CACNA1B: variants seen among roughly 807,000 people sequenced by gnomAD.
The protein encoded by CACNA1B is voltage-dependent N-type calcium channel subunit alpha-1B.
In CACNA1B, 70 loss-of-function variants were observed where a neutral mutation model predicts 247.2. The observed-to-expected ratio is 0.28, with a 90% CI of 0.23 to 0.35. The LOEUF (loss-of-function observed/expected upper bound fraction) is 0.35. Ranked by LOEUF, CACNA1B falls within the 10% of genes least tolerant of loss-of-function variation. CACNA1B has a pLI of 1.00. For missense variants in CACNA1B, 2,367 were observed against 3,197.4 expected, an observed-to-expected ratio of 0.74 and a Z score of 6.26; for synonymous variants, 1,231 against 1,294.4, an observed-to-expected ratio of 0.95 and a Z score of 1.05.
At chr9:137,947,390 GCA>G (rs1240521868) in intron 6 of CACNA1B, among the ~76,000 whole-genome samples, 1 of 152,124 alleles carries the variant, frequency 6.6e-6, no homozygotes, top group African/African-American at 2.4e-5. Flanking sequence ...TAGGAAGTCA[GCA>G]CAAATCGGCC....
chr9:138,075,618 C>T (rs765781341), intron 34 of CACNA1B, among the ~76,000 whole-genome samples: 9 of 152,212 alleles, frequency 5.9e-5, no homozygotes, highest in East Asian at 1.9e-4. Flanking sequence ...GAGCTGGAGC[C>T]GGCACATGTG....
chr9:138,023,304 A>G lies in CACNA1B; in HGVS notation c.2561A>G (p.His854Arg). The G allele has an allele frequency of 6.6e-7, 1 of 1,514,612 alleles. No individual in the cohort carries two copies. The highest frequency in any genetic ancestry group is 8.8e-7 in the Non-Finnish European group (1 of 1,139,326). 93.8% of individuals were successfully genotyped at this position (1,514,612 alleles called of 1,614,324 possible). A position where few individuals can be genotyped will look rare whatever the true frequency, so the allele number is the denominator to read the frequency against. ...GACCCTCCGCGCAGGCACCACCGGCACCGCGACAAGGACAAGACCCCCGCG... is the reference window on the plus strand; with the variant it reads ...GACCCTCCGCGCAGGCACCACCGGCGCCGCGACAAGGACAAGACCCCCGCG... ...GVDPPRRHHR[H>R]RDKDKTPAAG... Residue 854 changes from histidine (H) to arginine (R), a missense_variant, in exon 19 of 47, where the codon CAC becomes CGC. This residue lies in a region of CACNA1B where 631 missense variants were observed against 631.1 expected (regional missense o/e 1.00). Coordinates refer to ENST00000371372, the MANE Select transcript of CACNA1B (RefSeq NM_000718.4).
chr9:138,041,741 T>C (rs1472031943), intron 20 of CACNA1B, among the ~76,000 whole-genome samples: 1 of 152,178 alleles, frequency 6.6e-6, no homozygotes, highest in Non-Finnish European at 1.5e-5. Context: ...TTTTCCTTAA[T>C]TTACTTAAGT....
At chr9:138,117,223 G>A (rs1396292166) in intron 42 of CACNA1B, among the ~76,000 whole-genome samples, 1 of 151,794 alleles carries the variant, frequency 6.6e-6, no homozygotes, top group African/African-American at 2.4e-5. Flanking sequence ...GTGTGGGGTG[G>A]CCTCCGCCAG....
At chr9:137,931,444 C>T (rs1213912391) in intron 6 of CACNA1B, among the ~76,000 whole-genome samples, 2 of 152,026 alleles carry the variant, frequency 1.3e-5, no homozygotes, top group Non-Finnish European at 2.9e-5. Context: ...AGGGAGTAGC[C>T]TCTTCTTTTG....
At chr9:138,060,078 T>C (rs1281299180) in intron 31 of CACNA1B, among the ~76,000 whole-genome samples, 1 of 152,210 alleles carries the variant, frequency 6.6e-6, no homozygotes, top group Non-Finnish European at 1.5e-5. Flanking sequence ...ATATATAAAC[T>C]GAAACCAGTA....
At chr9:137,999,784 C>T (rs982262719) in intron 15 of CACNA1B, among the ~76,000 whole-genome samples, 2 of 152,176 alleles carry the variant, frequency 1.3e-5, no homozygotes, top group Admixed American at 6.5e-5. Flanking sequence ...GCTGGTAATG[C>T]AGGCATGAGC....
intron 6 of CACNA1B, among the ~76,000 whole-genome samples, chr9:137,938,835 G>T (rs1957698431): frequency 1.3e-5 from 2 of 152,196 alleles, no homozygotes. Context: ...CACTTTGGGA[G>T]GCCGAGGTGG....
At chr9:137,995,622 CA>C (rs1056750571) in intron 15 of CACNA1B, among the ~76,000 whole-genome samples, 56 of 152,296 alleles carry the variant, frequency 3.7e-4, no homozygotes, top group Non-Finnish European at 7.5e-4. Context: ...ATTGGCTAGG[CA>C]AAGACTTCTT....
rs1962176577 is a variant in CACNA1B at position 138,123,652 on chromosome 9, TAGGGCTATGC to T, written c.*1655_*1664del. ...TCAGTGTGTGGATGTCATTAACCCATAGGGCTATGCAACAAAAGACACATTTAATAGAAGT... is the reference window on the plus strand; with the variant it reads ...TCAGTGTGTGGATGTCATTAACCCATAACAAAAGACACATTTAATAGAAGT... On this transcript the variant is annotated 3_prime_UTR_variant, in exon 47 of 47. Transcript: ENST00000371372. The T allele has an allele frequency of 1.3e-5, 2 of 151,830 alleles. No individual in the cohort carries two copies. The highest frequency in any genetic ancestry group is 2.9e-5 in the Non-Finnish European group (2 of 67,990). The allele number at this position is 151,830 out of a possible 1,614,324, so 9.4% of individuals were successfully genotyped here. A position where few individuals can be genotyped will look rare whatever the true frequency, so the allele number is the denominator to read the frequency against.
intron 6 of CACNA1B, among the ~76,000 whole-genome samples, chr9:137,921,745 C>T (rs1473267487): frequency 1.4e-5 from 2 of 144,172 alleles, no homozygotes; most frequent in East Asian, 2.1e-4. Flanking sequence ...GTAAAGCGTT[C>T]GGAGAACACG....
chr9:137,932,029 A>G (rs1957613754), intron 6 of CACNA1B, among the ~76,000 whole-genome samples: 1 of 152,042 alleles, frequency 6.6e-6, no homozygotes, highest in Admixed American at 6.6e-5. Flanking sequence ...TAAAAACAGC[A>G]TTTTTCCTCT....
chr9:137,881,122 T>G lies in CACNA1B; in HGVS notation c.391-1622T>G, dbSNP rs939418151. Among the ~76,000 whole-genome samples the G allele has an allele frequency of 6.6e-6, 1 of 152,174 alleles. No individual in the cohort carries two copies. The highest frequency in any genetic ancestry group is 6.5e-5 in the Admixed American group (1 of 15,282). On this transcript the variant is annotated intron_variant, in intron 2 of 46. Transcript: ENST00000371372. The surrounding 1 kb of genome is among the most constrained non-coding windows in gnomAD (Gnocchi z 4.3). ...CTGTTCTCTTTTTCACCAGGAAGTT[T>G]CCTGTGAAGATCTCTGTCTGCTGCG...
At chr9:137,937,838 T>G (rs1305968918) in intron 6 of CACNA1B, among the ~76,000 whole-genome samples, 1 of 149,406 alleles carries the variant, frequency 6.7e-6, no homozygotes, top group Non-Finnish European at 1.5e-5. Context: ...TCCCAGCTAC[T>G]CGGGAGGCTG....
At chr9:137,965,206 C>T (rs1958060497) in intron 10 of CACNA1B, among the ~76,000 whole-genome samples, 1 of 152,232 alleles carries the variant, frequency 6.6e-6, no homozygotes, top group South Asian at 2.1e-4. Context: ...AGCAGCCTGA[C>T]TGCTTTTTGA....
At chr9:138,107,559 A>C (rs1324504818) in intron 39 of CACNA1B, among the ~76,000 whole-genome samples, 1 of 150,898 alleles carries the variant, frequency 6.6e-6, no homozygotes, top group Non-Finnish European at 1.5e-5. Context: ...AAATGTGGCC[A>C]CTCCTCTCCC....
Position 137,962,936 on chromosome 9 carries a change from T to C in CACNA1B, c.1333+5249T>C, listed in dbSNP as rs1056396826. Among the ~76,000 whole-genome samples, 5 of 152,188 alleles carry C rather than the reference T, an allele frequency of 3.3e-5. No individual in the cohort carries two copies. In the East Asian group the frequency reaches 7.7e-4, roughly 23 times the overall value. ...GGTGAGTTCAACTCCTGAATGTCTT[T>C]GTTGATTTTCAGTCTTGATGATCTG... On this transcript the variant is annotated intron_variant, in intron 10 of 46. Transcript: ENST00000371372.
At chr9:138,002,966 A>G (rs1958597570) in intron 15 of CACNA1B, among the ~76,000 whole-genome samples, 1 of 151,372 alleles carries the variant, frequency 6.6e-6, no homozygotes, top group East Asian at 2.0e-4. Context: ...ATGCCCAGCT[A>G]ATTTTTGTAT....
At chr9:138,013,085 A>G (rs200030151) in intron 17 of CACNA1B, 44 bp from the exon 18 acceptor site, 6 of 1,414,594 alleles carry the variant, frequency 4.2e-6, no homozygotes, top group Non-Finnish European at 6.0e-6. Flanking sequence ...TAGAGTGGCT[A>G]TAACACTGTG....
Sources: allele counts gnomAD v4.1 joint callset (sites outside exome capture counted in the v4.1 genomes callset), GRCh38; gene constraint gnomAD v4.1.1; regional missense constraint gnomAD v4.1.1; non-coding constraint Gnocchi (gnomAD v3.1); transcripts MANE v1.5; gene names NCBI Gene and HGNC (gene_info 2026-07-23, HGNC 2026-07-21).